Variants in CDH13 observed in about 807,000 individuals in gnomAD.
CDH13 encodes the protein cadherin 13, also known as cadherin-13.
Under a neutral mutation model 63.8 loss-of-function variants are expected in CDH13, and 24 were observed. That is an observed-to-expected ratio of 0.38 (90% CI 0.27 to 0.53). The LOEUF is 0.53. Among genes scored for constraint, CDH13 ranks in the 20% least tolerant of loss-of-function variants. The pLI, the probability that CDH13 is intolerant of heterozygous loss-of-function variation, is 0.85. For synonymous variants in CDH13, 503 were observed against 355.3 expected (o/e 1.42, Z -4.67); for missense variants, 1,049 against 903.1 (o/e 1.16, Z -2.07).
chr16:82,692,923 A>G (rs911171373), intron 1 of CDH13, among the ~76,000 whole-genome samples: 17 of 152,178 alleles, frequency 1.1e-4, no homozygotes, highest in African/African-American at 4.1e-4. Context: ...CTTCTAGCCA[A>G]TAGAGTACCT....
At chr16:83,216,437 T>TACACAC (rs1249830056) in intron 4 of CDH13, among the ~76,000 whole-genome samples, 2 of 108,564 alleles carry the variant, frequency 1.8e-5, no homozygotes, top group African/African-American at 8.1e-5. Flanking sequence ...TATATATATA[T>TACACAC]ATATATACAC....
At chr16:83,217,626 G>C (rs2039577311) in intron 5 of CDH13, 129 bp downstream of exon 5, 5 of 925,064 alleles carry the variant, frequency 5.4e-6, no homozygotes, top group Admixed American at 5.1e-5. Flanking sequence ...GGGTGTTTCT[G>C]TGGGAGCTGA....
At chr16:82,876,694 C>T (rs755180451) in intron 2 of CDH13, among the ~76,000 whole-genome samples, 1 of 152,148 alleles carries the variant, frequency 6.6e-6, no homozygotes, top group Non-Finnish European at 1.5e-5. Context: ...TGTCTTTATT[C>T]AAATTCCTGG....
At chr16:83,394,222 A>C (rs1292792042) in intron 6 of CDH13, among the ~76,000 whole-genome samples, 1 of 152,122 alleles carries the variant, frequency 6.6e-6, no homozygotes, top group Non-Finnish European at 1.5e-5. Context: ...GCAAAACTGC[A>C]CATGTACCCC....
At chr16:82,861,789 A>G (rs926546313) in intron 2 of CDH13, among the ~76,000 whole-genome samples, 2 of 152,064 alleles carry the variant, frequency 1.3e-5, no homozygotes, top group Admixed American at 6.6e-5. Context: ...TAAAAACGCC[A>G]TTTTTCAACA....
intron 10 of CDH13, among the ~76,000 whole-genome samples, chr16:83,717,365 T>C (rs918005222): frequency 6.6e-6 from 1 of 152,234 alleles, no homozygotes; most frequent in Admixed American, 6.5e-5. Context: ...GTATATATTT[T>C]CCATCTTCTC....
intron 1 of CDH13, among the ~76,000 whole-genome samples, chr16:82,738,420 C>T (rs762028896): frequency 1.3e-5 from 2 of 152,188 alleles, no homozygotes; most frequent in Non-Finnish European, 2.9e-5. Context: ...GGAGTCCTCA[C>T]CTGAAATCTC....
intron 11 of CDH13, among the ~76,000 whole-genome samples, chr16:83,775,111 A>G (rs892351166): frequency 1.3e-5 from 2 of 151,784 alleles, no homozygotes; most frequent in Admixed American, 1.3e-4. Context: ...GAGAAAGTAT[A>G]GGTTAATGCT....
At chr16:82,747,697 G>A (rs1460868140) in intron 1 of CDH13, among the ~76,000 whole-genome samples, 2 of 139,266 alleles carry the variant, frequency 1.4e-5, no homozygotes, top group Non-Finnish European at 3.3e-5. Flanking sequence ...AAATCTTAGA[G>A]GCTTTGAATC....
chr16:83,344,106 A>T (rs1352347214), intron 5 of CDH13, among the ~76,000 whole-genome samples: 1 of 152,222 alleles, frequency 6.6e-6, no homozygotes, highest in Non-Finnish European at 1.5e-5. Context: ...ATCCAAGAGG[A>T]AGTATTACTC....
chr16:83,235,484 C>T (rs1028185399), intron 5 of CDH13, among the ~76,000 whole-genome samples: 1 of 152,078 alleles, frequency 6.6e-6, no homozygotes, highest in Non-Finnish European at 1.5e-5. Flanking sequence ...TCTGCCTAGC[C>T]GGGCCCCACT....
At chr16:83,651,058 G>A (rs762294576) in intron 8 of CDH13, among the ~76,000 whole-genome samples, 1 of 152,062 alleles carries the variant, frequency 6.6e-6, no homozygotes, top group African/African-American at 2.4e-5. Context: ...CCATCATCAC[G>A]CAAGTGTATT....
chr16:83,657,928 T>A (rs1298185668), intron 8 of CDH13, among the ~76,000 whole-genome samples: 2 of 147,332 alleles, frequency 1.4e-5, no homozygotes, highest in African/African-American at 5.2e-5. Flanking sequence ...AGGTCCCATG[T>A]CCCCACCACC....
intron 5 of CDH13, among the ~76,000 whole-genome samples, chr16:83,295,926 A>G (rs1042606511): frequency 6.6e-6 from 1 of 152,202 alleles, no homozygotes; most frequent in Admixed American, 6.5e-5. Context: ...CTAAAAATTC[A>G]TCAGTGGATC....
intron 5 of CDH13, among the ~76,000 whole-genome samples, chr16:83,267,345 G>A (rs1247571864): frequency 1.3e-5 from 2 of 152,120 alleles, no homozygotes; most frequent in Non-Finnish European, 2.9e-5. Context: ...ATTATCCTCA[G>A]GCTAATTCAC....
At chr16:83,790,980 G>A (rs1916224738) in intron 13 of CDH13, among the ~76,000 whole-genome samples, 1 of 152,110 alleles carries the variant, frequency 6.6e-6, no homozygotes, top group Non-Finnish European at 1.5e-5. Context: ...GTCTCTATAT[G>A]GAGGGTAAGA....
intron 4 of CDH13, among the ~76,000 whole-genome samples, chr16:83,153,902 G>T (rs1361760464): frequency 6.6e-6 from 1 of 152,156 alleles, no homozygotes; most frequent in African/African-American, 2.4e-5. Context: ...CAATTCTGGA[G>T]GTGAGAGATG....
intron 4 of CDH13, among the ~76,000 whole-genome samples, chr16:83,142,081 C>T (rs941147068): frequency 6.6e-6 from 1 of 152,036 alleles, no homozygotes; most frequent in Admixed American, 6.6e-5. Context: ...ACGGATATAA[C>T]CGAAACGGGC....
intron 7 of CDH13, among the ~76,000 whole-genome samples, chr16:83,530,524 T>C (rs1180510439): frequency 6.6e-6 from 1 of 152,200 alleles, no homozygotes; most frequent in Non-Finnish European, 1.5e-5. Flanking sequence ...TGTTAAGTTG[T>C]TGATGAGCAA....
Sources: gnomAD v4.1 joint callset for allele counts (sites outside exome capture counted in the v4.1 genomes callset) on GRCh38, gnomAD v4.1.1 for gene constraint, MANE v1.5 for transcripts, NCBI Gene and HGNC (gene_info 2026-07-23, HGNC 2026-07-21) for gene names.